The following CSMD1 variants were observed in gnomAD, a reference collection of about 807,000 sequenced individuals.
The protein encoded by CSMD1 is CUB and Sushi multiple domains 1.
In CSMD1, 213 loss-of-function variants were observed where a neutral mutation model predicts 417.5. The ratio of observed to expected loss-of-function variants is 0.51; its 90% CI spans 0.46 to 0.57. CSMD1 has a LOEUF of 0.57. Ranked by LOEUF, CSMD1 falls within the 20% of genes least tolerant of loss-of-function variation. CSMD1 has a pLI of 0.00. For missense variants in CSMD1, 6,923 were observed against 4,529.7 expected, an observed-to-expected ratio of 1.53 and a Z score of -15.17; for synonymous variants, 2,862 against 1,736.8, an observed-to-expected ratio of 1.65 and a Z score of -16.11.
At chr8:3,848,426 G>A (rs1010010439) in intron 5 of CSMD1, among the ~76,000 whole-genome samples, 1 of 152,128 alleles carries the variant, frequency 6.6e-6, no homozygotes, top group South Asian at 2.1e-4. Flanking sequence ...ACACAATTAG[G>A]AGTTATTTCA....
At chr8:4,968,806 G>C (rs1285090378) in intron 1 of CSMD1, among the ~76,000 whole-genome samples, 3 of 152,100 alleles carry the variant, frequency 2.0e-5, no homozygotes, top group African/African-American at 7.2e-5. Context: ...TCTGGCAGTT[G>C]CATCTCTTCT....
At chr8:4,139,703 TG>T (rs1334432506) in intron 3 of CSMD1, among the ~76,000 whole-genome samples, 1 of 151,128 alleles carries the variant, frequency 6.6e-6, no homozygotes, top group African/African-American at 2.5e-5. Flanking sequence ...ATGATGATTT[TG>T]GTGGGAAGCC....
intron 41 of CSMD1, among the ~76,000 whole-genome samples, chr8:3,127,192 A>T (rs919312926): frequency 2.6e-5 from 4 of 152,116 alleles, no homozygotes; most frequent in Non-Finnish European, 5.9e-5. Flanking sequence ...GGGGATTGCT[A>T]CAACTCTTTG....
At chr8:3,618,077 C>A (rs1374636060) in intron 7 of CSMD1, among the ~76,000 whole-genome samples, 1 of 152,090 alleles carries the variant, frequency 6.6e-6, no homozygotes, top group Admixed American at 6.6e-5. Flanking sequence ...TCATGGATCA[C>A]TGCAGCCTCA....
At chr8:4,576,777 G>A (rs971162154) in intron 2 of CSMD1, among the ~76,000 whole-genome samples, 1 of 151,910 alleles carries the variant, frequency 6.6e-6, no homozygotes, top group East Asian at 1.9e-4. Context: ...TAATTCAAGT[G>A]ATATTAAGAT....
chr8:3,840,632 T>C (rs1334593620), intron 5 of CSMD1, among the ~76,000 whole-genome samples: 2 of 151,938 alleles, frequency 1.3e-5, no homozygotes, highest in African/African-American at 4.8e-5. Flanking sequence ...TCTGTGTGTG[T>C]GCACTTGCTA....
intron 3 of CSMD1, among the ~76,000 whole-genome samples, chr8:4,259,941 G>T (rs909843989): frequency 8.6e-5 from 13 of 151,800 alleles, no homozygotes; most frequent in African/African-American, 2.9e-4. Context: ...TATCCATTTT[G>T]CTAACAAATG....
chr8:4,786,624 C>G (rs1183063560), intron 1 of CSMD1, among the ~76,000 whole-genome samples: 1 of 152,222 alleles, frequency 6.6e-6, no homozygotes, highest in African/African-American at 2.4e-5. Context: ...ATGCTTGAAT[C>G]TCTCTCTGAT....
At position 3,922,830 on chromosome 8, in the gene CSMD1, T is replaced by C. The variant is rs1253974545; in HGVS notation, c.818+75073A>G. On this transcript the variant is annotated intron_variant, in intron 5 of 69. Transcript: ENST00000635120. ...ATGAATATAAAATTCTATATATTCA[T>C]GGTGTACAACATGGCCTTCAGATAT... is the stretch of plus-strand genomic sequence containing the variant. Among the ~76,000 whole-genome samples, 5 of 152,284 alleles carry C rather than the reference T, an allele frequency of 3.3e-5. No homozygotes were observed. The South Asian group carries it at 8.3e-4, about 25-fold the overall frequency.
intron 5 of CSMD1, among the ~76,000 whole-genome samples, chr8:3,837,546 A>G (rs755361151): frequency 6.6e-6 from 1 of 152,208 alleles, no homozygotes; most frequent in Non-Finnish European, 1.5e-5. Context: ...ACAGCCCCCA[A>G]GATAACATTA....
At chr8:4,215,125 G>C (rs899780015) in intron 3 of CSMD1, among the ~76,000 whole-genome samples, 3 of 152,278 alleles carry the variant, frequency 2.0e-5, no homozygotes, top group Admixed American at 6.5e-5. Flanking sequence ...TCAGTTCTCA[G>C]GGTGCCAACC....
At chr8:4,426,056 G>C (rs567489129) in intron 2 of CSMD1, among the ~76,000 whole-genome samples, 1 of 145,220 alleles carries the variant, frequency 6.9e-6, no homozygotes, top group Admixed American at 6.9e-5. Flanking sequence ...TTTTACTGAA[G>C]AAAACTGGCC....
intron 1 of CSMD1, among the ~76,000 whole-genome samples, chr8:4,902,455 ACTACT>A (rs1804949422): frequency 6.6e-6 from 1 of 151,958 alleles, no homozygotes; most frequent in Non-Finnish European, 1.5e-5. Flanking sequence ...AAGAAAGGAA[ACTACT>A]CTATAATCTT....
intron 3 of CSMD1, among the ~76,000 whole-genome samples, chr8:4,055,162 T>A (rs990323890): frequency 6.6e-6 from 1 of 152,198 alleles, no homozygotes; most frequent in African/African-American, 2.4e-5. Context: ...GTTTGAAATA[T>A]GAATTTCTCA....
At chr8:3,425,555 T>C (rs576510616) in intron 12 of CSMD1, among the ~76,000 whole-genome samples, 65 of 140,254 alleles carry the variant, frequency 4.6e-4, no homozygotes, top group African/African-American at 1.8e-3. Flanking sequence ...GCCACTGCAC[T>C]CTGGCCTGGG....
chr8:4,332,531 C>A (rs1311758267), intron 3 of CSMD1, among the ~76,000 whole-genome samples: 1 of 148,818 alleles, frequency 6.7e-6, no homozygotes, highest in Non-Finnish European at 1.5e-5. Context: ...CCCAGTAATA[C>A]CCTTCTGTCA....
chr8:4,164,934 AAG>A (rs1395608955), intron 3 of CSMD1, among the ~76,000 whole-genome samples: 1 of 151,890 alleles, frequency 6.6e-6, no homozygotes, highest in Non-Finnish European at 1.5e-5. Flanking sequence ...AGTCCTGAAA[AAG>A]AGACTTCATT....
chr8:3,134,429 C>A (rs540629976), intron 41 of CSMD1, among the ~76,000 whole-genome samples: 23 of 152,308 alleles, frequency 1.5e-4, no homozygotes, highest in Non-Finnish European at 3.2e-4. Context: ...GAACGTTTGA[C>A]TCTCAGGGTT....
chr8:3,522,072 T>C (rs1797532688), intron 10 of CSMD1, among the ~76,000 whole-genome samples: 2 of 152,232 alleles, frequency 1.3e-5, no homozygotes, highest in African/African-American at 4.8e-5. Flanking sequence ...TTATAGATAT[T>C]TGGGATGTTT....
Sources: gnomAD v4.1 joint callset for allele counts (sites outside exome capture counted in the v4.1 genomes callset) on GRCh38, gnomAD v4.1.1 for gene constraint, MANE v1.5 for transcripts, NCBI Gene and HGNC (gene_info 2026-07-23, HGNC 2026-07-21) for gene names.